The following SEL1L2 variants were observed in gnomAD, a reference collection of about 807,000 sequenced individuals.
SEL1L2 encodes SEL1L2 adaptor subunit of SYVN1 ubiquitin ligase, also known as protein sel-1 homolog 2.
Under a neutral mutation model 98.8 loss-of-function variants are expected in SEL1L2, and 89 were observed. That is an observed-to-expected ratio of 0.90 (90% confidence interval 0.76 to 1.07). The LOEUF (loss-of-function observed/expected upper bound fraction) is 1.07, where lower values mean the gene tolerates loss of function less well. Ranked by LOEUF, SEL1L2 falls within the 50% of genes least tolerant of loss-of-function variation. The pLI is 0.00. For missense variants in SEL1L2, 788 were observed against 812.0 expected, an observed-to-expected ratio of 0.97 and a Z score of 0.36; for synonymous variants, 262 against 278.5, an observed-to-expected ratio of 0.94 and a Z score of 0.59.
chr20:13,951,999 G>A (rs757433897), intron 2 of SEL1L2, among the ~76,000 whole-genome samples: 29 of 152,102 alleles, frequency 1.9e-4, no homozygotes, highest in Admixed American at 3.3e-4. Context: ...TACTCATCAC[G>A]CAGAGGTTTC....
rs1030875236 is a variant in SEL1L2 at position 13,855,044 on chromosome 20, C to T, written c.1818+4218G>A. On this transcript the variant is annotated intron_variant, in intron 18 of 19. Transcript: ENST00000284951. ...CCAGCCTGGTGACAGAGCGAGACTC[C>T]GTCTCAAAAAAAAAAAAAAAAAAAA... 5.3e-5 allele frequency among the ~76,000 whole-genome samples: 6 copies of T among 113,876 alleles called. No homozygotes were observed. In the East Asian group the frequency reaches 9.3e-4, roughly 18 times the overall value. 74.7% of individuals were successfully genotyped at this position (113,876 alleles called of 152,430 possible).
intron 1 of SEL1L2, among the ~76,000 whole-genome samples, chr20:13,989,756 T>C (rs1297647559): frequency 6.6e-6 from 1 of 152,252 alleles, no homozygotes; most frequent in East Asian, 1.9e-4. Flanking sequence ...GATTGTTACA[T>C]TGATTTATGG....
rs2046412474 is a variant in SEL1L2, at chr20:13,876,046, C to T, written c.1096G>A (p.Ala366Thr). 5.6e-6 allele frequency: 9 copies of T among 1,613,340 alleles called. No individual in the cohort carries two copies. The highest frequency in any genetic ancestry group is 6.8e-6 in the Non-Finnish European group (8 of 1,179,216). ...GTGCATTGAGGACATACCTTACTGG[C>T]TGCCATGGAAAAGTACTTGAAGGCA... ...ATAFKYFSMAASKGNAIGLHG... is the reference protein window; with the variant it reads ...ATAFKYFSMATSKGNAIGLHG... The change falls in exon 12 of 20, where the codon GCC becomes ACC. Residue 366 changes from alanine to threonine, a missense_variant. Ala to Thr is a moderately conservative substitution (Grantham distance 58). Transcript: ENST00000284951.
chr20:13,893,406 G>T (rs2047289357), intron 5 of SEL1L2, among the ~76,000 whole-genome samples: 1 of 152,154 alleles, frequency 6.6e-6, no homozygotes, highest in African/African-American at 2.4e-5. Context: ...GCCAAAAATT[G>T]TCCTAAGAGA....
intron 18 of SEL1L2, among the ~76,000 whole-genome samples, chr20:13,855,769 C>T (rs1164359120): frequency 2.0e-5 from 3 of 152,330 alleles, no homozygotes; most frequent in Non-Finnish European, 4.4e-5. Flanking sequence ...GCTGCCTTAG[C>T]CCAGAAATGA....
chr20:13,919,020 C>T lies in SEL1L2; in HGVS notation c.386+1G>A, dbSNP rs1190180064. ...GCTAAGGTCACTGGATAAAGACTTA[C>T]TCTTCTTTTTGTTTTTGGCTTTTAG... On this transcript the variant is annotated splice_donor_variant, in intron 4 of 19. Coordinates refer to ENST00000284951, the MANE Select transcript of SEL1L2 (RefSeq NM_025229.2). LOFTEE classifies it high-confidence loss of function. 6.9e-6 allele frequency: 11 copies of T among 1,602,310 alleles called. No homozygotes were observed. Among genetic ancestry groups the T allele is most frequent in the Non-Finnish European group, 6.8e-6 (8 of 1,170,934 alleles).
intron 4 of SEL1L2, chr20:13,915,191 C>T (rs767465891): frequency 7.8e-7 from 1 of 1,289,498 alleles, no homozygotes. Context: ...GCAGAGTAGT[C>T]CAGGCAAGAA....
chr20:13,900,192 C>CTA (rs2047608582), intron 5 of SEL1L2, among the ~76,000 whole-genome samples: 1 of 152,124 alleles, frequency 6.6e-6, no homozygotes, highest in African/African-American at 2.4e-5. Flanking sequence ...TGAGTGTGAC[C>CTA]TATAATACCC....
intron 2 of SEL1L2, among the ~76,000 whole-genome samples, chr20:13,936,336 G>T (rs114506642): frequency 0.012 from 1,901 of 152,244 alleles, 44 homozygotes; most frequent in African/African-American, 0.043. Flanking sequence ...TAAAACTAAT[G>T]AAAGCCCACC....
chr20:13,983,010 C>A (rs1484276175), intron 1 of SEL1L2, among the ~76,000 whole-genome samples: 1 of 16,856 alleles, frequency 5.9e-5, no homozygotes, highest in Non-Finnish European at 1.5e-4. Context: ...GGCAACAGAG[C>A]AAGACTCCAT....
intron 5 of SEL1L2, among the ~76,000 whole-genome samples, chr20:13,909,038 A>G (rs2048102824): frequency 1.3e-5 from 2 of 151,894 alleles, no homozygotes; most frequent in African/African-American, 4.8e-5. Context: ...ATATTTCCTT[A>G]TTTCTGACTG....
intron 1 of SEL1L2, among the ~76,000 whole-genome samples, chr20:13,961,876 T>G (rs73097905): frequency 1.7e-3 from 256 of 152,330 alleles, no homozygotes; most frequent in Admixed American, 2.9e-3. Flanking sequence ...GACCAGTGAC[T>G]AGTATATCTC....
chr20:13,915,148 G>C (rs531751213), intron 4 of SEL1L2: 1 of 1,289,736 alleles, frequency 7.8e-7, no homozygotes, highest in African/African-American at 1.5e-5. Context: ...CCATGCTGAG[G>C]CTAAAATAAG....
chr20:13,961,171 T>A (rs184913446), intron 1 of SEL1L2, among the ~76,000 whole-genome samples: 1 of 152,358 alleles, frequency 6.6e-6, no homozygotes, highest in African/African-American at 2.4e-5. Flanking sequence ...AATGCAGGTC[T>A]GACTCCAGAG....
intron 1 of SEL1L2, among the ~76,000 whole-genome samples, chr20:13,979,906 T>C (rs2051727506): frequency 6.6e-6 from 1 of 152,038 alleles, no homozygotes; most frequent in Admixed American, 6.6e-5. Flanking sequence ...AAACAATTAA[T>C]AAATTGAACA....
At chr20:13,936,191 C>A (rs1162446667) in intron 2 of SEL1L2, among the ~76,000 whole-genome samples, 3 of 152,276 alleles carry the variant, frequency 2.0e-5, no homozygotes, top group African/African-American at 7.2e-5. Flanking sequence ...AAAATTATGA[C>A]ATTGAAAGAG....
intron 18 of SEL1L2, among the ~76,000 whole-genome samples, chr20:13,858,064 T>A (rs1378814926): frequency 6.6e-6 from 1 of 152,148 alleles, no homozygotes; most frequent in Admixed American, 6.6e-5. Flanking sequence ...GGATTTGACA[T>A]TCTTTCCACT....
intron 18 of SEL1L2, among the ~76,000 whole-genome samples, chr20:13,853,824 T>C (rs1988706515): frequency 6.6e-6 from 1 of 152,208 alleles, no homozygotes; most frequent in South Asian, 2.1e-4. Flanking sequence ...TATACCACTA[T>C]ACAATAACGT....
chr20:13,900,009 G>T (rs1425623019), intron 5 of SEL1L2, among the ~76,000 whole-genome samples: 3 of 152,076 alleles, frequency 2.0e-5, no homozygotes, highest in Admixed American at 1.3e-4. Context: ...GATATTTAAA[G>T]ATTTTCTTTT....
Sources: allele counts gnomAD v4.1 joint callset (sites outside exome capture counted in the v4.1 genomes callset), GRCh38; gene constraint gnomAD v4.1.1; transcripts MANE v1.5; gene names NCBI Gene and HGNC (gene_info 2026-07-23, HGNC 2026-07-21).